The following MANEA variants were observed in gnomAD, a reference collection of about 807,000 sequenced individuals.
The protein encoded by MANEA is glycoprotein endo-alpha-1,2-mannosidase.
MANEA carries 25 observed loss-of-function variants against 36.8 expected under a neutral mutation model. The observed-to-expected ratio is 0.68, with a 90% CI of 0.50 to 0.95. The LOEUF is 0.95. MANEA is among the 40% of genes least tolerant of loss of function. MANEA has a pLI of 0.00. For synonymous variants in MANEA, 198 were observed against 188.5 expected (o/e 1.05, Z -0.41); for missense variants, 565 against 558.8 (o/e 1.01, Z -0.11).
At chr6:95,582,829 G>C (rs1769207986) in intron 1 of MANEA, among the ~76,000 whole-genome samples, 1 of 152,106 alleles carries the variant, frequency 6.6e-6, no homozygotes, top group Non-Finnish European at 1.5e-5. Flanking sequence ...GTATGAATAT[G>C]TGTGTATTTA....
Position 95,606,573 on chromosome 6 carries a change from A to G in MANEA, c.*168A>G, listed in dbSNP as rs1306263622. Reference sequence around the variant, plus strand: ...AATATTATACTTGTTACCCTTCACAATACCACATGAGAAAATATCTGAGAC... The same window carrying G: ...AATATTATACTTGTTACCCTTCACAGTACCACATGAGAAAATATCTGAGAC... On this transcript the variant is annotated 3_prime_UTR_variant, in exon 5 of 5. Transcript: ENST00000358812. 2 of 353,014 alleles carry G rather than the reference A, an allele frequency of 5.7e-6. No individual in the cohort carries two copies. The highest frequency in any genetic ancestry group is 4.2e-5 in the African/African-American group (2 of 47,420). 21.9% of individuals were successfully genotyped at this position (353,014 alleles called of 1,614,324 possible).
intron 2 of MANEA, among the ~76,000 whole-genome samples, chr6:95,592,044 T>G (rs1769394734): frequency 6.6e-6 from 1 of 152,190 alleles, no homozygotes; most frequent in Admixed American, 6.5e-5. Flanking sequence ...GGGTTTCCAA[T>G]TACATGTGTA....
At chr6:95,598,511 G>A (rs1233915669) in intron 3 of MANEA, among the ~76,000 whole-genome samples, 1 of 152,172 alleles carries the variant, frequency 6.6e-6, no homozygotes, top group East Asian at 1.9e-4. Context: ...CTTCACTAGA[G>A]TGAAAGATCT....
intron 1 of MANEA, among the ~76,000 whole-genome samples, chr6:95,580,390 G>C (rs991640496): frequency 1.3e-5 from 2 of 152,098 alleles, no homozygotes; most frequent in Non-Finnish European, 2.9e-5. Flanking sequence ...CAATCTAGTA[G>C]GTGATATAAA....
At chr6:95,579,851 T>C (rs2127936642) in intron 1 of MANEA, among the ~76,000 whole-genome samples, 1 of 152,326 alleles carries the variant, frequency 6.6e-6, no homozygotes, top group African/African-American at 2.4e-5. Context: ...GAACCTATTG[T>C]GTATGAGTAA....
chr6:95,604,731 T>C, intron 3 of MANEA, 96 bp from the exon 4 acceptor site: 1 of 512,670 alleles, frequency 2.0e-6, no homozygotes, highest in Non-Finnish European at 3.4e-6. Context: ...TTAATTAAGG[T>C]GATTAAATCA....
chr6:95,582,528 T>C (rs1447690518), intron 1 of MANEA, among the ~76,000 whole-genome samples: 1 of 152,146 alleles, frequency 6.6e-6, no homozygotes, highest in East Asian at 1.9e-4. Flanking sequence ...ACAGCTCACA[T>C]GTAGAAATTT....
rs112105252 is a variant in MANEA, at chr6:95,596,417, C to T, written c.545-320C>T. ...TGAAAGATGTTAATTATAGGAGAAA[C>T]CGTGTGGAGGGTTGGGGCAGGTAGG... On this transcript the variant is annotated intron_variant, in intron 2 of 4. Coordinates refer to ENST00000358812, the MANE Select transcript of MANEA (RefSeq NM_024641.4). Among the ~76,000 whole-genome samples the T allele has an allele frequency of 4.3e-4, 65 of 152,122 alleles. 1 individual carries two copies. Among genetic ancestry groups the T allele is most frequent in the African/African-American group, 1.5e-3 (62 of 41,506 alleles).
At chr6:95,597,507 TAC>T (rs1562199308) in intron 3 of MANEA, among the ~76,000 whole-genome samples, 1 of 152,074 alleles carries the variant, frequency 6.6e-6, no homozygotes, top group African/African-American at 2.4e-5. Flanking sequence ...TATCCAAAGA[TAC>T]ATTTTAAAAA....
chr6:95,583,444 C>T (rs1051582721), intron 1 of MANEA, among the ~76,000 whole-genome samples: 14 of 151,776 alleles, frequency 9.2e-5, no homozygotes, highest in Non-Finnish European at 1.9e-4. Flanking sequence ...TGCACATACA[C>T]ACGTTTATGT....
In MANEA at chr6:95,605,826, C is replaced by G. The variant is rs1644548217; in HGVS notation, c.810C>G (p.Ser270=). The G allele has an allele frequency of 6.2e-7, 1 of 1,613,666 alleles. No individual in the cohort carries two copies. The highest frequency in any genetic ancestry group is 8.5e-7 in the Non-Finnish European group (1 of 1,179,724). ...TTCCTATGTTTTATGTCTATGATTCCTATATTACCAAGCCTGAAAAATGGG... is the reference window on the plus strand; with the variant it reads ...TTCCTATGTTTTATGTCTATGATTCGTATATTACCAAGCCTGAAAAATGGG... The part of the protein sequence containing the change: ...NALPMFYVYD[S]YITKPEKWAN... The change falls in exon 5 of 5, where the codon TCC becomes TCG. Residue 270 remains serine (S), a synonymous_variant. Coordinates refer to ENST00000358812, the MANE Select transcript of MANEA (RefSeq NM_024641.4).
Position 95,606,298 on chromosome 6 carries a change from C to T in MANEA, c.1282C>T (p.Arg428Cys), listed in dbSNP as rs769065507. 62 of 1,612,178 alleles carry T rather than the reference C, an allele frequency of 3.8e-5. No individual in the cohort carries two copies. The African/African-American group carries it at 4.4e-4, about 11-fold the overall frequency. The change falls in exon 5 of 5, where the codon CGT becomes TGT. Residue 428 changes from arginine (R) to cysteine (C), a missense_variant. Transcript: ENST00000358812. The part of the protein sequence containing the change: ...RTSNTVYLDY[R>C]PHKPGLYLEL... Reference sequence around the variant, plus strand: ...CAGTAATACAGTGTACCTAGATTACCGTCCTCATAAACCAGGTCTTTACCT... The same window carrying T: ...CAGTAATACAGTGTACCTAGATTACTGTCCTCATAAACCAGGTCTTTACCT...
intron 1 of MANEA, among the ~76,000 whole-genome samples, chr6:95,581,655 C>G (rs1769184615): frequency 4.6e-5 from 7 of 152,148 alleles, no homozygotes; most frequent in Admixed American, 3.9e-4. Context: ...GTGATTTACC[C>G]AGGATCACAC....
intron 2 of MANEA, among the ~76,000 whole-genome samples, chr6:95,590,546 A>G (rs975329629): frequency 1.3e-5 from 2 of 152,236 alleles, no homozygotes; most frequent in African/African-American, 4.8e-5. Context: ...TAGAAGTCAC[A>G]ATGAGATGAA....
At position 95,596,804 on chromosome 6, in the gene MANEA, G is replaced by T. The variant is rs1178979342; in HGVS notation, c.612G>T (p.Leu204Phe). The change falls in exon 3 of 5, where the codon TTG (leucine) becomes TTT (phenylalanine). Residue 204 changes from leucine to phenylalanine, a missense_variant. Leu to Phe is a conservative substitution (Grantham distance 22). Transcript: ENST00000358812. ...NDENGEPTDN[L>F]VPTILDKAHK... ...AAAATGGAGAACCTACTGATAACTT[G>T]GTACCCACTATTTTGGATAAAGCTC... 1 of 1,605,838 alleles carries T rather than the reference G, an allele frequency of 6.2e-7. No homozygotes were observed. Among genetic ancestry groups the T allele is most frequent in the Admixed American group, 1.7e-5 (1 of 59,950 alleles).
intron 3 of MANEA, among the ~76,000 whole-genome samples, chr6:95,604,001 T>C (rs1439517518): frequency 6.6e-6 from 1 of 151,130 alleles, no homozygotes; most frequent in Non-Finnish European, 1.5e-5. Context: ...TTGTAATTAC[T>C]GCTCTCTATG....
intron 1 of MANEA, among the ~76,000 whole-genome samples, chr6:95,585,365 A>G (rs2127938818): frequency 6.6e-6 from 1 of 152,316 alleles, no homozygotes; most frequent in Admixed American, 6.5e-5. Flanking sequence ...GCTGGAGTGC[A>G]GTGGCACAAT....
intron 1 of MANEA, among the ~76,000 whole-genome samples, chr6:95,586,016 A>C (rs1193075174): frequency 6.6e-6 from 1 of 152,188 alleles, no homozygotes; most frequent in Non-Finnish European, 1.5e-5. Context: ...TAAATAAATG[A>C]TTTTTAAACA....
chr6:95,609,252 C>G lies in MANEA; in HGVS notation c.*2847C>G, dbSNP rs1036957364. On this transcript the variant is annotated 3_prime_UTR_variant, in exon 5 of 5. Coordinates refer to ENST00000358812, the MANE Select transcript of MANEA (RefSeq NM_024641.4). ...AAGTTATTAATTTTTATGGTTTAAT[C>G]AGTCTAATTGTTTTGACTGTTATAG... is the stretch of plus-strand genomic sequence containing the variant. 6.6e-6 allele frequency: 1 copy of G among 151,594 alleles called. No homozygotes were observed. The highest frequency in any genetic ancestry group is 2.4e-5 in the African/African-American group (1 of 41,362). The allele number at this position is 151,594 out of a possible 1,614,324, so 9.4% of individuals were successfully genotyped here. A position where few individuals can be genotyped will look rare whatever the true frequency, so the allele number is the denominator to read the frequency against.
Sources: gnomAD v4.1 joint callset for allele counts (sites outside exome capture counted in the v4.1 genomes callset) on GRCh38, gnomAD v4.1.1 for gene constraint, MANE v1.5 for transcripts, NCBI Gene and HGNC (gene_info 2026-07-23, HGNC 2026-07-21) for gene names.